The following CNBD1 variants were observed in gnomAD, a reference collection of about 807,000 sequenced individuals.
The protein encoded by CNBD1 is cyclic nucleotide binding domain containing 1.
A neutral mutation model predicts 54.4 loss-of-function variants in CNBD1; 71 were observed. The observed-to-expected ratio is 1.30, with a 90% CI of 1.08 to 1.59. The LOEUF is 1.59. Ranked by LOEUF, CNBD1 falls within the 40% of genes most tolerant of loss-of-function variation. CNBD1 has a pLI of 0.00. For missense variants in CNBD1, 659 were observed against 518.0 expected (o/e 1.27, Z -2.64); for synonymous variants, 182 against 170.7 (o/e 1.07, Z -0.51).
At chr8:86,998,433 C>G (rs1030114264) in intron 4 of CNBD1, among the ~76,000 whole-genome samples, 22 of 152,076 alleles carry the variant, frequency 1.4e-4, no homozygotes, top group Non-Finnish European at 2.6e-4. Context: ...TGCAAAAAAA[C>G]TGGCAGCAAA....
intron 4 of CNBD1, among the ~76,000 whole-genome samples, chr8:86,940,761 G>A (rs1809641362): frequency 6.6e-6 from 1 of 152,072 alleles, no homozygotes; most frequent in Non-Finnish European, 1.5e-5. Flanking sequence ...GTCAAGACTA[G>A]GAATGTTTTC....
chr8:86,953,616 C>T (rs1310622582), intron 4 of CNBD1, among the ~76,000 whole-genome samples: 4 of 152,172 alleles, frequency 2.6e-5, no homozygotes, highest in Non-Finnish European at 5.9e-5. Context: ...CCTGTAATCC[C>T]AGCACTTTGG....
At chr8:87,052,367 G>C (rs1236669943) in intron 4 of CNBD1, among the ~76,000 whole-genome samples, 1 of 152,182 alleles carries the variant, frequency 6.6e-6, no homozygotes, top group African/African-American at 2.4e-5. Flanking sequence ...ATCTGTTTCA[G>C]TAAAGCTTCC....
chr8:87,411,242 G>A (rs1011822495), intron 2 of CNBD1, among the ~76,000 whole-genome samples: 8 of 151,190 alleles, frequency 5.3e-5, no homozygotes, highest in Non-Finnish European at 7.4e-5. Flanking sequence ...CCTCATTTCT[G>A]GCATATAGTT....
At chr8:87,007,309 G>A (rs1809123704) in intron 4 of CNBD1, among the ~76,000 whole-genome samples, 1 of 151,836 alleles carries the variant, frequency 6.6e-6, no homozygotes, top group Non-Finnish European at 1.5e-5. Flanking sequence ...AATCTCATTG[G>A]AGATTTGATC....
At chr8:86,946,555 A>G (rs1203364545) in intron 4 of CNBD1, among the ~76,000 whole-genome samples, 2 of 152,000 alleles carry the variant, frequency 1.3e-5, no homozygotes, top group Non-Finnish European at 2.9e-5. Context: ...TTTGCCTCTT[A>G]TTTTTCCATA....
At chr8:87,011,051 T>G (rs1809209865) in intron 4 of CNBD1, among the ~76,000 whole-genome samples, 1 of 152,212 alleles carries the variant, frequency 6.6e-6, no homozygotes, top group Non-Finnish European at 1.5e-5. Flanking sequence ...CATGTTATCT[T>G]GTTGCAATCA....
intron 10 of CNBD1, among the ~76,000 whole-genome samples, chr8:87,354,215 G>T (rs1029272054): frequency 2.0e-5 from 3 of 151,990 alleles, no homozygotes; most frequent in African/African-American, 7.3e-5. Context: ...GAGTCCTTAG[G>T]ATAATGGTAT....
intron 4 of CNBD1, among the ~76,000 whole-genome samples, chr8:87,001,199 A>G (rs975422649): frequency 3.3e-5 from 5 of 151,894 alleles, no homozygotes. Context: ...TTATTTACAT[A>G]GAGATGCTGA....
intron 4 of CNBD1, among the ~76,000 whole-genome samples, chr8:87,048,868 C>A (rs1274898099): frequency 2.0e-5 from 3 of 152,092 alleles, no homozygotes; most frequent in Non-Finnish European, 4.4e-5. Context: ...ACAAGCTGAC[C>A]ATTTTTAGTA....
chr8:87,025,967 T>C (rs1404592641), intron 4 of CNBD1, among the ~76,000 whole-genome samples: 1 of 152,222 alleles, frequency 6.6e-6, no homozygotes, highest in African/African-American at 2.4e-5. Flanking sequence ...ATAACTGATA[T>C]GTTTTCTTCT....
At chr8:87,319,114 A>T (rs1809463747) in intron 8 of CNBD1, among the ~76,000 whole-genome samples, 1 of 152,108 alleles carries the variant, frequency 6.6e-6, no homozygotes, top group South Asian at 2.1e-4. Flanking sequence ...TTAGGAGAGA[A>T]GTGGCCCCTC....
chr8:87,100,834 G>A (rs925313618), intron 4 of CNBD1, among the ~76,000 whole-genome samples: 4 of 152,232 alleles, frequency 2.6e-5, no homozygotes, highest in Middle Eastern at 3.4e-3. Flanking sequence ...CTGACAGAGT[G>A]GCTGGAAAAT....
rs1032576308 is a variant in CNBD1 at position 87,323,120 on chromosome 8, T to A, written c.1043-28565T>A. On this transcript the variant is annotated intron_variant, in intron 8 of 10. Coordinates refer to ENST00000518476, the MANE Select transcript of CNBD1 (RefSeq NM_173538.3). Reference sequence around the variant, plus strand: ...GTCAAAGATCAGATAGTTGTAGGTATGCAGCATTATTTCTGAGGGCTCTGT... The same window carrying A: ...GTCAAAGATCAGATAGTTGTAGGTAAGCAGCATTATTTCTGAGGGCTCTGT... Among the ~76,000 whole-genome samples the A allele has an allele frequency of 1.8e-3, 215 of 119,266 alleles. 9 individuals are homozygous for A. Among genetic ancestry groups the A allele is most frequent in the African/African-American group, 6.6e-3 (206 of 31,416 alleles). The allele number at this position is 119,266 out of a possible 152,430, so 78.2% of individuals were successfully genotyped here. A position where few individuals can be genotyped will look rare whatever the true frequency, so the allele number is the denominator to read the frequency against.
At chr8:86,943,405 T>C (rs1049842092) in intron 4 of CNBD1, among the ~76,000 whole-genome samples, 2 of 147,458 alleles carry the variant, frequency 1.4e-5, no homozygotes, top group Admixed American at 1.4e-4. Flanking sequence ...TGCAAAGATA[T>C]CTGATAAGAT....
At chr8:87,254,419 CATG>C (rs1228826031) in intron 6 of CNBD1, among the ~76,000 whole-genome samples, 1 of 152,166 alleles carries the variant, frequency 6.6e-6, no homozygotes, top group East Asian at 1.9e-4. Flanking sequence ...TAATTTTTGT[CATG>C]ATAAGTATTA....
At chr8:87,328,784 A>G (rs1399323043) in intron 8 of CNBD1, among the ~76,000 whole-genome samples, 4 of 152,016 alleles carry the variant, frequency 2.6e-5, no homozygotes, top group Non-Finnish European at 4.4e-5. Flanking sequence ...TTTTTTAACA[A>G]TGTTTTATAT....
At chr8:87,413,735 A>C (rs958339501) in intron 2 of CNBD1, among the ~76,000 whole-genome samples, 1 of 132,736 alleles carries the variant, frequency 7.5e-6, no homozygotes, top group Non-Finnish European at 1.6e-5. Flanking sequence ...ACTTCTCAAA[A>C]GAAGACATTT....
chr8:87,410,792 G>A (rs913722595), intron 2 of CNBD1, among the ~76,000 whole-genome samples: 3 of 151,996 alleles, frequency 2.0e-5, no homozygotes, highest in Non-Finnish European at 2.9e-5. Context: ...CATTGTTGTC[G>A]TATTTTGAGA....
Sources: gnomAD v4.1 joint callset for allele counts (sites outside exome capture counted in the v4.1 genomes callset) on GRCh38, gnomAD v4.1.1 for gene constraint, MANE v1.5 for transcripts, NCBI Gene and HGNC (gene_info 2026-07-23, HGNC 2026-07-21) for gene names.